Variants in CFAP20DC observed in about 807,000 individuals in gnomAD.
CFAP20DC encodes CFAP20 domain containing.
CFAP20DC carries 84 observed loss-of-function variants against 101.7 expected under a neutral mutation model. That is an observed-to-expected ratio of 0.83 (90% confidence interval 0.69 to 0.99). The LOEUF is 0.99. CFAP20DC is among the 50% of genes least tolerant of loss of function. The pLI, the probability that CFAP20DC is intolerant of heterozygous loss-of-function variation, is 0.00. For missense variants in CFAP20DC, 1,007 were observed against 970.3 expected (o/e 1.04, Z -0.50); for synonymous variants, 359 against 351.2 (o/e 1.02, Z -0.25).
At position 58,869,422 on chromosome 3, in the gene CFAP20DC, A is replaced by G. The variant is rs2108514347; in HGVS notation, c.921T>C (p.Asn307=). The change falls in exon 9 of 17, where the codon AAT becomes AAC. Residue 307 remains asparagine, a synonymous_variant. Coordinates refer to ENST00000482387, the MANE Select transcript of CFAP20DC (RefSeq NM_001394063.1). The surrounding 1 kb of genome is among the most constrained non-coding windows in gnomAD (Gnocchi z 4.3). ...CQPSTVEKCV[N]GTEMSALLIP... is the part of the protein sequence containing the mutation. ...TCAGCAAGGCTGACATTTCTGTACC[A>G]TTAACACACTTCTCTACAGTGGACG... is the stretch of plus-strand genomic sequence containing the variant. 1 of 1,613,916 alleles carries G rather than the reference A, an allele frequency of 6.2e-7. No homozygotes were observed. The highest frequency in any genetic ancestry group is 1.1e-5 in the South Asian group (1 of 91,070).
chr3:58,811,539 T>A (rs1377824998), intron 14 of CFAP20DC, among the ~76,000 whole-genome samples: 1 of 152,050 alleles, frequency 6.6e-6, no homozygotes, highest in African/African-American at 2.4e-5. Flanking sequence ...CCTTATACCT[T>A]ATAAAAAAAT....
In CFAP20DC at chr3:58,795,187, A is replaced by C. The variant is rs1045442596; in HGVS notation, c.2237+11208T>G. Among the ~76,000 whole-genome samples, 2 of 152,182 alleles carry C rather than the reference A, an allele frequency of 1.3e-5. No individual in the cohort carries two copies. The highest frequency in any genetic ancestry group is 2.9e-5 in the Non-Finnish European group (2 of 68,032). ...AGCTGAATCTTTTAATTAAAAGCTG[A>C]AACTATAAAACATTAGAATGGTAAA... On this transcript the variant is annotated intron_variant, in intron 15 of 16. Transcript: ENST00000482387. This position sits in a 1 kb window ranked among gnomAD's most constrained non-coding sequence, Gnocchi z 4.2.
intron 15 of CFAP20DC, among the ~76,000 whole-genome samples, chr3:58,776,197 A>G (rs1360644913): frequency 6.6e-6 from 1 of 152,176 alleles, no homozygotes; most frequent in Non-Finnish European, 1.5e-5. Context: ...CTGGGTTTAT[A>G]AGCAGTGAGC....
At chr3:58,736,504 T>C (rs1434932556) in intron 3 of CFAP20DC, among the ~76,000 whole-genome samples, 8 of 152,224 alleles carry the variant, frequency 5.3e-5, no homozygotes, top group Non-Finnish European at 1.0e-4. Context: ...ACTGGCATAC[T>C]ATCAGAATAA....
chr3:59,011,325 G>A (rs1270200206), intron 4 of CFAP20DC, among the ~76,000 whole-genome samples: 2 of 151,738 alleles, frequency 1.3e-5, no homozygotes, highest in Non-Finnish European at 2.9e-5. Context: ...TTGAACCTGG[G>A]AGGTGGAGGT....
chr3:58,759,718 G>T (rs2069352209), intron 15 of CFAP20DC, among the ~76,000 whole-genome samples: 1 of 152,194 alleles, frequency 6.6e-6, no homozygotes, highest in African/African-American at 2.4e-5. Context: ...TGTACAAGGT[G>T]CAAGGAAGGG....
At chr3:58,982,656 A>G (rs1035399860) in intron 4 of CFAP20DC, among the ~76,000 whole-genome samples, 3 of 139,950 alleles carry the variant, frequency 2.1e-5, no homozygotes, top group African/African-American at 5.3e-5. Context: ...GAATTGAACA[A>G]TGAGAACACA....
intron 7 of CFAP20DC, among the ~76,000 whole-genome samples, chr3:58,883,133 T>C (rs1394970960): frequency 1.3e-5 from 2 of 152,196 alleles, no homozygotes; most frequent in Non-Finnish European, 2.9e-5. Flanking sequence ...CTCCTTGACC[T>C]CCTTCAAACT....
intron 14 of CFAP20DC, among the ~76,000 whole-genome samples, chr3:58,809,403 T>C (rs376498994): frequency 2.0e-5 from 3 of 152,166 alleles, no homozygotes; most frequent in Non-Finnish European, 2.9e-5. Flanking sequence ...GAAACTCACT[T>C]AAAACCGCTC....
At chr3:58,812,575 G>C (rs2074748433) in intron 14 of CFAP20DC, among the ~76,000 whole-genome samples, 1 of 151,704 alleles carries the variant, frequency 6.6e-6, no homozygotes, top group Admixed American at 6.6e-5. Context: ...GGAGCGGGGA[G>C]GGATAGCATT....
At chr3:58,867,012 A>C (rs1052782538) in intron 10 of CFAP20DC, among the ~76,000 whole-genome samples, 1 of 152,192 alleles carries the variant, frequency 6.6e-6, no homozygotes, top group African/African-American at 2.4e-5. Context: ...CATGAAATGA[A>C]GTGAGTTTTC....
At position 58,859,357 on chromosome 3, in the gene CFAP20DC, A is replaced by T. The variant is rs1394072204; in HGVS notation, c.1593+4201T>A. On this transcript the variant is annotated intron_variant, in intron 12 of 16. Transcript: ENST00000482387. This position sits in a 1 kb window ranked among gnomAD's most constrained non-coding sequence, Gnocchi z 4.1. Reference sequence around the variant, plus strand: ...AGGCTTTTCTAATTTTTCAAGGCAAAACATATTTTTCTATAAGTTAGACTT... The same window carrying T: ...AGGCTTTTCTAATTTTTCAAGGCAATACATATTTTTCTATAAGTTAGACTT... Among the ~76,000 whole-genome samples, 1 of 152,184 alleles carries T rather than the reference A, an allele frequency of 6.6e-6. No individual in the cohort carries two copies. Among genetic ancestry groups the T allele is most frequent in the Non-Finnish European group, 1.5e-5 (1 of 68,024 alleles).
intron 12 of CFAP20DC, among the ~76,000 whole-genome samples, chr3:58,851,628 C>T (rs775291730): frequency 7.9e-5 from 12 of 152,066 alleles, no homozygotes; most frequent in Non-Finnish European, 1.6e-4. Flanking sequence ...ACATAAGCTC[C>T]ACCAAGTTCA....
intron 4 of CFAP20DC, among the ~76,000 whole-genome samples, chr3:59,011,097 C>T (rs143799222): frequency 4.7e-4 from 72 of 152,214 alleles, no homozygotes; most frequent in African/African-American, 1.7e-3. Context: ...TAAATGCCTG[C>T]ATCAAAAAGT....
At chr3:58,834,450 A>C (rs2076603426) in intron 13 of CFAP20DC, among the ~76,000 whole-genome samples, 1 of 152,218 alleles carries the variant, frequency 6.6e-6, no homozygotes, top group Admixed American at 6.5e-5. Flanking sequence ...GAAAGCTTTA[A>C]TATGTACTTC....
intron 6 of CFAP20DC, among the ~76,000 whole-genome samples, chr3:58,900,003 C>T (rs1461607398): frequency 1.3e-5 from 2 of 152,102 alleles, no homozygotes; most frequent in Non-Finnish European, 2.9e-5. Context: ...GAAGAAACAG[C>T]ATAATGGGAG....
chr3:58,979,260 C>T (rs555467765), intron 4 of CFAP20DC, among the ~76,000 whole-genome samples: 2 of 152,288 alleles, frequency 1.3e-5, no homozygotes, highest in South Asian at 4.1e-4. Flanking sequence ...GCCTGTAGTA[C>T]TTGGGGCAAG....
At chr3:58,856,271 C>CAT (rs1354855359) in intron 12 of CFAP20DC, among the ~76,000 whole-genome samples, 2 of 132,180 alleles carry the variant, frequency 1.5e-5, no homozygotes, top group Non-Finnish European at 3.1e-5. Context: ...TTCTGACACA[C>CAT]ACACACACAC....
intron 15 of CFAP20DC, among the ~76,000 whole-genome samples, chr3:58,783,877 A>G (rs1301904325): frequency 6.6e-6 from 1 of 152,040 alleles, no homozygotes; most frequent in African/African-American, 2.4e-5. Context: ...TTTTAGATTC[A>G]GGGGATACAT....
Sources: allele counts gnomAD v4.1 joint callset (sites outside exome capture counted in the v4.1 genomes callset), GRCh38; gene constraint gnomAD v4.1.1; non-coding constraint Gnocchi (gnomAD v3.1); transcripts MANE v1.5; gene names NCBI Gene and HGNC (gene_info 2026-07-23, HGNC 2026-07-21).